The following PIWIL3 variants were observed in gnomAD, a reference collection of about 807,000 sequenced individuals.
PIWIL3 encodes the protein piwi like RNA-mediated gene silencing 3, also known as piwi-like protein 3.
PIWIL3 carries 101 observed loss-of-function variants against 109.7 expected under a neutral mutation model. The ratio of observed to expected loss-of-function variants is 0.92; its 90% CI spans 0.78 to 1.09. PIWIL3 has a LOEUF of 1.09. PIWIL3 is among the 50% of genes least tolerant of loss of function. PIWIL3 has a pLI of 0.00. For synonymous variants in PIWIL3, 373 were observed against 376.4 expected (o/e 0.99, Z 0.10); for missense variants, 1,031 against 1,072.6 (o/e 0.96, Z 0.54).
chr22:24,727,929 T>C, intron 16 of PIWIL3, 21 bp downstream of exon 16: 1 of 1,573,150 alleles, frequency 6.4e-7, no homozygotes, highest in Non-Finnish European at 8.7e-7. Context: ...TAACTAAACA[T>C]GTCTACCAGA....
At position 24,749,459 on chromosome 22, in the gene PIWIL3, A is replaced by G. The variant is rs765642405; in HGVS notation, c.1279T>C (p.Leu427=). 1.9e-6 allele frequency: 3 copies of G among 1,613,782 alleles called. No individual in the cohort carries two copies. Among genetic ancestry groups the G allele is most frequent in the Middle Eastern group, 1.6e-4 (1 of 6,062 alleles). The change falls in exon 11 of 21, where the codon TTG becomes CTG. Residue 427 remains leucine, a synonymous_variant. Coordinates refer to ENST00000616349, the MANE Select transcript of PIWIL3 (RefSeq NM_001255975.1). ...IVKELAKHTR[L]SPRRRHHTLK... is the part of the protein sequence containing the mutation. ...GTATGATGCCTTCTTCTTGGACTCA[A>G]TCTTGTATGTTTAGCCAATTCTTTC...
At chr22:24,744,178 T>TTAAAAAAAAAGAAAAAAAAAA (rs1924180538) in intron 12 of PIWIL3, among the ~76,000 whole-genome samples, 1 of 34,304 alleles carries the variant, frequency 2.9e-5, no homozygotes, top group Non-Finnish European at 5.7e-5. Context: ...GTGACCGAAT[T>TTAAAAAAAAAGAAAAAAAAAA]AAAAAAAAAA....
At chr22:24,725,127 C>T in intron 17 of PIWIL3, 90 bp from the exon 18 acceptor site, 2 of 1,482,518 alleles carry the variant, frequency 1.3e-6, no homozygotes, top group Non-Finnish European at 1.8e-6. Context: ...CATCTTTCAA[C>T]ACTGCAGCTT....
At chr22:24,758,713 T>C (rs1452366907) in intron 3 of PIWIL3, among the ~76,000 whole-genome samples, 1 of 152,222 alleles carries the variant, frequency 6.6e-6, no homozygotes, top group Admixed American at 6.5e-5. Flanking sequence ...TTTATGATGA[T>C]CTTACAAAGT....
intron 12 of PIWIL3, among the ~76,000 whole-genome samples, chr22:24,738,691 T>C (rs1923806781): frequency 6.6e-6 from 1 of 152,210 alleles, no homozygotes; most frequent in Non-Finnish European, 1.5e-5. Context: ...CTGATGCAGA[T>C]ATGACTTAGA....
At chr22:24,736,572 G>C (rs926372169) in intron 12 of PIWIL3, among the ~76,000 whole-genome samples, 2 of 152,148 alleles carry the variant, frequency 1.3e-5, no homozygotes, top group Non-Finnish European at 2.9e-5. Context: ...CCCTACAAGA[G>C]GAACACTAAG....
At chr22:24,768,717 G>A (rs889000986) in intron 1 of PIWIL3, among the ~76,000 whole-genome samples, 3 of 152,194 alleles carry the variant, frequency 2.0e-5, no homozygotes, top group Non-Finnish European at 4.4e-5. Context: ...CCCCAAGAAC[G>A]CAACTCTGCA....
intron 12 of PIWIL3, among the ~76,000 whole-genome samples, chr22:24,740,134 C>T (rs1439160302): frequency 6.9e-6 from 1 of 144,480 alleles, no homozygotes; most frequent in South Asian, 2.2e-4. Context: ...CAGAGAATTG[C>T]TTGAACCCAG....
At chr22:24,760,426 G>A (rs1207788199) in intron 2 of PIWIL3, among the ~76,000 whole-genome samples, 1 of 152,132 alleles carries the variant, frequency 6.6e-6, no homozygotes. Context: ...AGAAGAGGGT[G>A]AGAGATGTCA....
At position 24,744,189 on chromosome 22, in the gene PIWIL3, A is replaced by AC. The variant is rs1307013034; in HGVS notation, c.1449+4717_1449+4718insG. On this transcript the variant is annotated intron_variant, in intron 12 of 20. Transcript: ENST00000616349. ...AAGAGTGACCGAATTAAAAAAAAAA[A>AC]AAAAAAAAAAAAAAAAAACAATGAT... 9.0e-4 allele frequency among the ~76,000 whole-genome samples: 131 copies of AC among 145,990 alleles called. 1 individual carries two copies. Among genetic ancestry groups the AC allele is most frequent in the South Asian group, 4.1e-3 (19 of 4,598 alleles).
At chr22:24,764,213 G>GAGCT (rs1486736746) in intron 1 of PIWIL3, among the ~76,000 whole-genome samples, 1 of 152,222 alleles carries the variant, frequency 6.6e-6, no homozygotes, top group African/African-American at 2.4e-5. Flanking sequence ...AGGCCACGAT[G>GAGCT]AGCTGCACGT....
chr22:24,744,207 A>AAAAAAAAAAC (rs1569103685), intron 12 of PIWIL3, among the ~76,000 whole-genome samples: 3 of 135,036 alleles, frequency 2.2e-5, no homozygotes, highest in Non-Finnish European at 3.2e-5. Context: ...AAAAAAAAAA[A>AAAAAAAAAAC]CAATGATCTG....
intron 1 of PIWIL3, among the ~76,000 whole-genome samples, chr22:24,772,306 T>C (rs1430151139): frequency 6.6e-6 from 1 of 152,208 alleles, no homozygotes; most frequent in Non-Finnish European, 1.5e-5. Flanking sequence ...GAATAAAGTC[T>C]GCATAATAGG....
chr22:24,730,269 G>A (rs142198711), intron 14 of PIWIL3, among the ~76,000 whole-genome samples: 5,580 of 149,578 alleles, frequency 0.037, 127 homozygotes, highest in Middle Eastern at 0.089. Flanking sequence ...GGAGGCTGAG[G>A]CAGGAGAATA....
At chr22:24,726,960 T>C (rs1301355565) in intron 16 of PIWIL3, among the ~76,000 whole-genome samples, 1 of 152,196 alleles carries the variant, frequency 6.6e-6, no homozygotes, top group African/African-American at 2.4e-5. Context: ...CAGTGTGGTT[T>C]CTACTCTGAG....
At chr22:24,727,917 A>G (rs1301531208) in intron 16 of PIWIL3, 33 bp downstream of exon 16, 4 of 1,534,164 alleles carry the variant, frequency 2.6e-6, no homozygotes, top group Non-Finnish European at 3.6e-6. Context: ...ACAGTCAGCT[A>G]CTAACTAAAC....
rs77442780 is a variant in PIWIL3 at position 24,761,327 on chromosome 22, A to T, written c.102+1071T>A. ...GAGGAGAACTCCACAAAGGAGAGCAAGTGGGGGTGGTCAGTGATGAAGGAG... is the reference window on the plus strand; with the variant it reads ...GAGGAGAACTCCACAAAGGAGAGCATGTGGGGGTGGTCAGTGATGAAGGAG... On this transcript the variant is annotated intron_variant, in intron 2 of 20. Transcript: ENST00000616349. Among the ~76,000 whole-genome samples, 196 of 152,252 alleles carry T rather than the reference A, an allele frequency of 1.3e-3. 4 individuals carry two copies. The East Asian group carries it at 0.036, about 28-fold the overall frequency.
chr22:24,743,445 T>A (rs1924126797), intron 12 of PIWIL3, among the ~76,000 whole-genome samples: 1 of 152,204 alleles, frequency 6.6e-6, no homozygotes, highest in African/African-American at 2.4e-5. Context: ...CCATCCCAAA[T>A]GTTCAGTCAA....
chr22:24,725,788 C>T (rs554757121), intron 16 of PIWIL3, among the ~76,000 whole-genome samples: 33 of 152,186 alleles, frequency 2.2e-4, no homozygotes, highest in African/African-American at 7.5e-4. Context: ...ACTGCAGTTT[C>T]GCCTATGGGG....
Sources: gnomAD v4.1 joint callset for allele counts (sites outside exome capture counted in the v4.1 genomes callset) on GRCh38, gnomAD v4.1.1 for gene constraint, MANE v1.5 for transcripts, NCBI Gene and HGNC (gene_info 2026-07-23, HGNC 2026-07-21) for gene names.